Variants in TRPM3 observed in about 807,000 individuals in gnomAD.
TRPM3 encodes transient receptor potential cation channel subfamily M member 3.
In TRPM3, 77 loss-of-function variants were observed where a neutral mutation model predicts 181.2. That is an observed-to-expected ratio of 0.42 (90% confidence interval 0.35 to 0.51). TRPM3 has a LOEUF of 0.51. TRPM3 is among the 20% of genes least tolerant of loss of function. The pLI, the probability that TRPM3 is intolerant of heterozygous loss-of-function variation, is 0.01. For missense variants in TRPM3, 1,759 were observed against 2,196.7 expected (o/e 0.80, Z 3.98); for synonymous variants, 745 against 796.4 (o/e 0.94, Z 1.09).
chr9:71,436,494 G>A (rs1305995457), intron 1 of TRPM3, among the ~76,000 whole-genome samples: 3 of 151,502 alleles, frequency 2.0e-5, no homozygotes, highest in African/African-American at 7.3e-5. Context: ...GTAGAGACGG[G>A]GGGTTTCACC....
At position 70,532,911 on chromosome 9, in the gene TRPM3, C is replaced by T. The variant is rs1442867828; in HGVS notation, c.*3042G>A. ...AGGCCACAGAATCAATGCCACATTG[C>T]TGCACAGAGAACCCAGAAATGGAAG... On this transcript the variant is annotated 3_prime_UTR_variant, in exon 26 of 26. Transcript: ENST00000677713. 6.6e-6 allele frequency: 1 copy of T among 152,194 alleles called. No homozygotes were observed. Among genetic ancestry groups the T allele is most frequent in the Non-Finnish European group, 1.5e-5 (1 of 68,040 alleles). The allele number at this position is 152,194 out of a possible 1,614,324, so 9.4% of individuals were successfully genotyped here.
At chr9:70,861,301 T>C (rs1040186286) in intron 3 of TRPM3, among the ~76,000 whole-genome samples, 1 of 152,136 alleles carries the variant, frequency 6.6e-6, no homozygotes, top group Non-Finnish European at 1.5e-5. Flanking sequence ...AGTGCACATT[T>C]GGACAATGGC....
intron 1 of TRPM3, among the ~76,000 whole-genome samples, chr9:70,988,494 A>G (rs2097443769): frequency 6.6e-6 from 1 of 152,170 alleles, no homozygotes; most frequent in East Asian, 1.9e-4. Context: ...TACCCTGACT[A>G]TGCTAGGTGA....
rs192519902 is a variant in TRPM3, at chr9:70,871,676, A to G, written c.178-7165T>C. ...TGTAGCTCTAGGCCACACTGTCCAT[A>G]TAGATCTGCATAAAATCTTGTGCAT... On this transcript the variant is annotated intron_variant, in intron 1 of 25. Coordinates refer to ENST00000677713, the MANE Select transcript of TRPM3 (RefSeq NM_001366145.2). Among the ~76,000 whole-genome samples the G allele has an allele frequency of 4.0e-3, 612 of 152,144 alleles. 12 individuals are homozygous for G. Among genetic ancestry groups the G allele is most frequent in the Non-Finnish European group, 3.8e-3 (255 of 67,948 alleles).
chr9:71,082,777 G>A (rs2064584318), intron 1 of TRPM3, among the ~76,000 whole-genome samples: 1 of 152,034 alleles, frequency 6.6e-6, no homozygotes, highest in African/African-American at 2.4e-5. Flanking sequence ...TAACCAAGGG[G>A]GTGGTTTTAC....
chr9:71,254,502 G>A (rs1229961740), intron 1 of TRPM3, among the ~76,000 whole-genome samples: 1 of 152,152 alleles, frequency 6.6e-6, no homozygotes, highest in East Asian at 1.9e-4. Context: ...ACCATGGAAA[G>A]TTATAAGTAT....
At chr9:70,552,707 C>T in intron 24 of TRPM3, 137 bp downstream of exon 24, 2 of 860,988 alleles carry the variant, frequency 2.3e-6, no homozygotes, top group East Asian at 2.4e-5. Context: ...TCCCCCAATG[C>T]TCTCCAAGCC....
At chr9:71,076,214 G>T (rs547421429) in intron 1 of TRPM3, among the ~76,000 whole-genome samples, 2 of 152,156 alleles carry the variant, frequency 1.3e-5, no homozygotes, top group East Asian at 1.9e-4. Context: ...GTTAAACTGC[G>T]GTCAGCTCGA....
At chr9:71,267,269 T>G (rs1002857798) in intron 1 of TRPM3, among the ~76,000 whole-genome samples, 2 of 152,140 alleles carry the variant, frequency 1.3e-5, no homozygotes, top group Non-Finnish European at 2.9e-5. Flanking sequence ...CTTATAACAC[T>G]CTGGAATATT....
chr9:71,359,329 G>A (rs552054336), intron 1 of TRPM3, among the ~76,000 whole-genome samples: 8 of 152,212 alleles, frequency 5.3e-5, no homozygotes, highest in Non-Finnish European at 1.0e-4. Flanking sequence ...ACACATGTGT[G>A]CAATATATCT....
intron 1 of TRPM3, among the ~76,000 whole-genome samples, chr9:71,441,777 C>T (rs1017394534): frequency 2.6e-5 from 4 of 151,868 alleles, no homozygotes; most frequent in African/African-American, 9.7e-5. Flanking sequence ...GGACTACAGT[C>T]GCGCACTACC....
rs1565557555 is a variant in TRPM3 at position 71,420,801 on chromosome 9, A to AAGAGAAAGAGAGAGAAAGAGAGAGAAAG, written c.183+25851_183+25852insCTTTCTCTCTCTTTCTCTCTCTTTCTCT. Among the ~76,000 whole-genome samples, 20 of 2,792 alleles carry AAGAGAAAGAGAGAGAAAGAGAGAGAAAG rather than the reference A, an allele frequency of 7.2e-3. 5 individuals are homozygous for AAGAGAAAGAGAGAGAAAGAGAGAGAAAG. Among genetic ancestry groups the AAGAGAAAGAGAGAGAAAGAGAGAGAAAG allele is most frequent in the African/African-American group, 0.022 (19 of 858 alleles). The allele number at this position is 2,792 out of a possible 152,430, so 1.8% of individuals were successfully genotyped here. A position where few individuals can be genotyped will look rare whatever the true frequency, so the allele number is the denominator to read the frequency against. On this transcript the variant is annotated intron_variant, in intron 1 of 24. Coordinates refer to the TRPM3 transcript ENST00000357533. ...AAAGAGAGAGAAAGAGAGAGAAAGA[A>AAGAGAAAGAGAGAGAAAGAGAGAGAAAG]AGAGAGAAAGAAAGAGAGAAAGAGA...
intron 1 of TRPM3, among the ~76,000 whole-genome samples, chr9:71,419,750 T>G (rs1588945379): frequency 6.6e-6 from 1 of 151,922 alleles, no homozygotes; most frequent in Non-Finnish European, 1.5e-5. Flanking sequence ...TTACCACAAT[T>G]AAAACAGTTG....
At chr9:71,264,289 A>G (rs1362498198) in intron 1 of TRPM3, among the ~76,000 whole-genome samples, 1 of 152,148 alleles carries the variant, frequency 6.6e-6, no homozygotes, top group Admixed American at 6.5e-5. Flanking sequence ...TCAGAAGTCA[A>G]AGAGAATTCA....
At chr9:71,415,286 C>G (rs1429732077) in intron 1 of TRPM3, among the ~76,000 whole-genome samples, 2 of 152,040 alleles carry the variant, frequency 1.3e-5, no homozygotes, top group Non-Finnish European at 2.9e-5. Context: ...GACTTTTGAC[C>G]TCTGTAACTG....
chr9:71,105,722 C>G (rs1001855900), intron 1 of TRPM3, among the ~76,000 whole-genome samples: 1 of 152,120 alleles, frequency 6.6e-6, no homozygotes, highest in African/African-American at 2.4e-5. Flanking sequence ...CTGGCTAGCC[C>G]TAGGAGAGGC....
chr9:71,395,536 T>A (rs1017452630), intron 1 of TRPM3, among the ~76,000 whole-genome samples: 2 of 152,200 alleles, frequency 1.3e-5, no homozygotes, highest in African/African-American at 4.8e-5. Context: ...AACTTTAACT[T>A]CATGTAATTG....
At chr9:71,425,711 T>C (rs1219543141) in intron 1 of TRPM3, among the ~76,000 whole-genome samples, 4 of 152,266 alleles carry the variant, frequency 2.6e-5, no homozygotes, top group East Asian at 3.9e-4. Flanking sequence ...CACATCATTT[T>C]CCTATTTAAA....
chr9:70,681,010 A>C (rs1461280456), intron 9 of TRPM3, among the ~76,000 whole-genome samples: 2 of 152,178 alleles, frequency 1.3e-5, no homozygotes, highest in Non-Finnish European at 2.9e-5. Flanking sequence ...ATTTAATGCT[A>C]TATTATAACA....
Sources: allele counts gnomAD v4.1 joint callset (sites outside exome capture counted in the v4.1 genomes callset), GRCh38; gene constraint gnomAD v4.1.1; transcripts MANE v1.5; gene names NCBI Gene and HGNC (gene_info 2026-07-23, HGNC 2026-07-21).